TBC1D21: variants seen among roughly 807,000 people sequenced by gnomAD.
The protein encoded by TBC1D21 is male germ cell Rab GTPase-activating protein.
TBC1D21 carries 38 observed loss-of-function variants against 46.0 expected under a neutral mutation model. That is an observed-to-expected ratio of 0.83 (90% CI 0.64 to 1.08). The LOEUF is 1.08. TBC1D21 is among the 50% of genes least tolerant of loss of function. The pLI, the probability that TBC1D21 is intolerant of heterozygous loss-of-function variation, is 0.00. For synonymous variants in TBC1D21, 151 were observed against 157.2 expected (o/e 0.96, Z 0.29); for missense variants, 415 against 417.9 (o/e 0.99, Z 0.06).
intron 4 of TBC1D21, 146 bp from the exon 5 acceptor site, chr15:73,884,635 C>T (rs1043473162): frequency 1.6e-6 from 1 of 636,526 alleles, no homozygotes. Flanking sequence ...AGGAACTGAG[C>T]CTGGCAGGGG....
chr15:73,880,243 T>C (rs1161528166), intron 1 of TBC1D21, among the ~76,000 whole-genome samples: 3 of 151,652 alleles, frequency 2.0e-5, no homozygotes, highest in Non-Finnish European at 4.4e-5. Context: ...TGCAGTGCAC[T>C]CACCTCTCTC....
At chr15:73,886,709 G>T in intron 8 of TBC1D21, 97 bp downstream of exon 8, 1 of 1,179,522 alleles carries the variant, frequency 8.5e-7, no homozygotes, top group South Asian at 1.3e-5. Flanking sequence ...TTCCTGGCTT[G>T]GATGGAGTTC....
intron 1 of TBC1D21, among the ~76,000 whole-genome samples, chr15:73,880,116 T>C (rs2141558646): frequency 6.6e-6 from 1 of 152,206 alleles, no homozygotes; most frequent in South Asian, 2.1e-4. Context: ...CAGGCTGGTC[T>C]CGAACTGACC....
chr15:73,880,858 AC>A (rs1038644432), intron 1 of TBC1D21, among the ~76,000 whole-genome samples: 5 of 152,160 alleles, frequency 3.3e-5, no homozygotes, highest in African/African-American at 9.7e-5. Context: ...GGGGAGAGGA[AC>A]TTTTTTGTAT....
the TBC1D21 span, among the ~76,000 whole-genome samples, chr15:73,902,165 T>C: frequency 2.2e-4 from 33 of 152,226 alleles, no homozygotes; most frequent in East Asian, 6.0e-3. Context: ...CATTCACAGG[T>C]TCTGGAAATT....
Position 73,884,818 on chromosome 15 carries a change from G to A in TBC1D21, c.405G>A (p.Leu135=), listed in dbSNP as rs2068213522. Reference sequence around the variant, plus strand: ...AGAAAATCTATGACAAAGATCCCCTGGGCAACGTCCTCATCGACAAGAAGA... The same window carrying A: ...AGAAAATCTATGACAAAGATCCCCTAGGCAACGTCCTCATCGACAAGAAGA... ...DIQKIYDKDP[L]GNVLIDKKRL... The change falls in exon 5 of 11, where the codon CTG becomes CTA. Residue 135 remains leucine (L), a synonymous_variant. Coordinates refer to ENST00000300504, the MANE Select transcript of TBC1D21 (RefSeq NM_153356.3). 6.2e-7 allele frequency: 1 copy of A among 1,614,102 alleles called. No individual in the cohort carries two copies. The highest frequency in any genetic ancestry group is 8.5e-7 in the Non-Finnish European group (1 of 1,180,008).
intron 1 of TBC1D21, 93 bp downstream of exon 1, chr15:73,873,862 C>A (rs2068011745): frequency 7.0e-7 from 1 of 1,430,658 alleles, no homozygotes; most frequent in Non-Finnish European, 9.7e-7. Flanking sequence ...AAAGCTAGAA[C>A]CCTGAGCTAA....
At chr15:73,894,298 T>C in the TBC1D21 span, among the ~76,000 whole-genome samples, 1 of 152,152 alleles carries the variant, frequency 6.6e-6, no homozygotes, top group African/African-American at 2.4e-5. Context: ...CAGGCCCTCA[T>C]CTCACAGGCC....
At chr15:73,887,589 A>T in intron 8 of TBC1D21, 31 bp from the exon 9 acceptor site, 1 of 1,595,252 alleles carries the variant, frequency 6.3e-7, no homozygotes, top group Non-Finnish European at 8.6e-7. Context: ...CTCAGACCAC[A>T]GGGCCCAGAC....
the TBC1D21 span, among the ~76,000 whole-genome samples, chr15:73,902,860 G>C: frequency 1.3e-5 from 2 of 152,200 alleles, no homozygotes; most frequent in African/African-American, 2.4e-5. Context: ...GTCTGAATCA[G>C]TGCAGGCTGG....
At chr15:73,884,965 C>A in intron 5 of TBC1D21, 38 bp from the exon 6 acceptor site, 1 of 1,588,158 alleles carries the variant, frequency 6.3e-7, no homozygotes, top group Non-Finnish European at 8.6e-7. Flanking sequence ...CAGGCTCTCC[C>A]ACCCAGCCCC....
Position 73,884,782 on chromosome 15 carries a change from A to T in TBC1D21, c.369A>T (p.Ala123=), listed in dbSNP as rs748291072. Residue 123 remains alanine, a splice_region_variant and synonymous_variant, in exon 5 of 11, where the codon GCA becomes GCT. Transcript: ENST00000300504. ...ACTTGCCCCTTGCTTCCAACCTAGC[A>T]CGTGACATTCAGAAAATCTATGACA... ...RNFTETRNNI[A]RDIQKIYDKD... is the part of the protein sequence containing the mutation. 3 of 1,613,368 alleles carry T rather than the reference A, an allele frequency of 1.9e-6. No individual in the cohort carries two copies. The Admixed American group carries it at 5.0e-5, about 27-fold the overall frequency.
intron 1 of TBC1D21, among the ~76,000 whole-genome samples, chr15:73,875,060 A>C (rs1246261811): frequency 6.6e-6 from 1 of 152,134 alleles, no homozygotes; most frequent in Non-Finnish European, 1.5e-5. Context: ...CAGCCTGGCC[A>C]ATATGGCAAA....
intron 1 of TBC1D21, among the ~76,000 whole-genome samples, chr15:73,875,895 G>A (rs2068050927): frequency 6.6e-6 from 1 of 152,218 alleles, no homozygotes; most frequent in Non-Finnish European, 1.5e-5. Context: ...GATGAAGGTT[G>A]ATTTGAGAAG....
chr15:73,888,141 T>C (rs2068284094), intron 9 of TBC1D21, among the ~76,000 whole-genome samples: 1 of 152,186 alleles, frequency 6.6e-6, no homozygotes, highest in Non-Finnish European at 1.5e-5. Flanking sequence ...AAACAAATCT[T>C]AGGTGACACC....
rs1174712962 is a variant in TBC1D21, at chr15:73,876,219, T to C, written c.60+2450T>C. The stretch of plus-strand genomic sequence containing the variant: ...TGTGGGTTTTTTTTTTTTTTTTTTT[T>C]TTTTTTTTTTTTTTTTTTTTTTTTT... On this transcript the variant is annotated intron_variant, in intron 1 of 10. Transcript: ENST00000300504. Among the ~76,000 whole-genome samples, 83 of 43,088 alleles carry C rather than the reference T, an allele frequency of 1.9e-3. 5 individuals carry two copies. Among genetic ancestry groups the C allele is most frequent in the African/African-American group, 0.012 (78 of 6,324 alleles). 28.3% of individuals were successfully genotyped at this position (43,088 alleles called of 152,430 possible).
the TBC1D21 span, among the ~76,000 whole-genome samples, chr15:73,896,066 T>C: frequency 5.3e-5 from 8 of 152,048 alleles, no homozygotes; most frequent in African/African-American, 1.9e-4. Flanking sequence ...ATGAAGTTCC[T>C]GGTAATGATA....
At chr15:73,895,408 G>A in the TBC1D21 span, among the ~76,000 whole-genome samples, 33 of 152,228 alleles carry the variant, frequency 2.2e-4, no homozygotes, top group African/African-American at 7.9e-4. Flanking sequence ...CCTCTTTCCA[G>A]GAGCTCTGGA....
chr15:73,903,152 G>A, the TBC1D21 span, among the ~76,000 whole-genome samples: 13 of 152,174 alleles, frequency 8.5e-5, no homozygotes, highest in Admixed American at 8.5e-4. Flanking sequence ...CTGCCCTCCT[G>A]AAAATCACAA....
Sources: gnomAD v4.1 joint callset for allele counts (sites outside exome capture counted in the v4.1 genomes callset) on GRCh38, gnomAD v4.1.1 for gene constraint, MANE v1.5 for transcripts, NCBI Gene and HGNC (gene_info 2026-07-23, HGNC 2026-07-21) for gene names.